CDC20B: variants seen among roughly 807,000 people sequenced by gnomAD.
The protein encoded by CDC20B is cell division cycle 20B.
A neutral mutation model predicts 64.1 loss-of-function variants in CDC20B; 58 were observed. The ratio of observed to expected loss-of-function variants is 0.90; its 90% CI spans 0.73 to 1.13. The LOEUF is 1.13. Among genes scored for constraint, CDC20B ranks in the 50% most tolerant of loss-of-function variants. The pLI is 0.00. For synonymous variants in CDC20B, 243 were observed against 230.6 expected, an observed-to-expected ratio of 1.05 and a Z score of -0.49; for missense variants, 597 against 633.0, an observed-to-expected ratio of 0.94 and a Z score of 0.61.
At position 55,146,655 on chromosome 5, in the gene CDC20B, G is replaced by T. The variant is rs755890847; in HGVS notation, c.328C>A (p.Pro110Thr). The change falls in exon 3 of 12, where the codon CCG becomes ACG. Residue 110 changes from proline to threonine, a missense_variant. Around this residue, in one of 3 missense-constraint regions of CDC20B, gnomAD observed 241 missense variants for 219.2 expected, o/e 1.10. Transcript: ENST00000381375. Reference sequence around the variant, plus strand: ...AGAGTCAAGGTCTCTTTCTCAGGCGGTGTCTTCAGCACTGATCCGGAAGCT... The same window carrying T: ...AGAGTCAAGGTCTCTTTCTCAGGCGTTGTCTTCAGCACTGATCCGGAAGCT... ...PEASGSVLKT[P>T]PEKETLTLGS... 7.4e-6 allele frequency: 12 copies of T among 1,613,968 alleles called. No individual in the cohort carries two copies. Among genetic ancestry groups the T allele is most frequent in the Non-Finnish European group, 4.2e-6 (5 of 1,179,910 alleles).
chr5:55,168,490 T>C (rs1186009039), intron 2 of CDC20B, among the ~76,000 whole-genome samples: 1 of 152,146 alleles, frequency 6.6e-6, no homozygotes, highest in East Asian at 1.9e-4. Flanking sequence ...CTCTTTTAAT[T>C]TGTATCTTCA....
intron 2 of CDC20B, among the ~76,000 whole-genome samples, chr5:55,151,698 C>T (rs1318338858): frequency 6.6e-6 from 1 of 152,188 alleles, no homozygotes; most frequent in Non-Finnish European, 1.5e-5. Context: ...CCAAATGTTT[C>T]CCACTTAGGA....
At position 55,132,241 on chromosome 5, in the gene CDC20B, A is replaced by G. The variant is rs139108097; in HGVS notation, c.697+1171T>C. 4.0e-3 allele frequency among the ~76,000 whole-genome samples: 615 copies of G among 152,280 alleles called. 7 individuals carry two copies. The highest frequency in any genetic ancestry group is 0.014 in the African/African-American group (587 of 41,554). Reference sequence around the variant, plus strand: ...AGGGAGATAGAGAACTGTTCCCTTCAGGGATTTTTCTTTTTCCAGCTCATG... The same window carrying G: ...AGGGAGATAGAGAACTGTTCCCTTCGGGGATTTTTCTTTTTCCAGCTCATG... On this transcript the variant is annotated intron_variant, in intron 6 of 11. Transcript: ENST00000381375.
intron 2 of CDC20B, among the ~76,000 whole-genome samples, chr5:55,153,128 G>A: frequency 6.6e-6 from 1 of 150,770 alleles, no homozygotes; most frequent in East Asian, 2.0e-4. Flanking sequence ...AGTCCCAGCT[G>A]CTCAGGAGAC....
chr5:55,160,854 T>G, intron 2 of CDC20B: 1 of 871,772 alleles, frequency 1.1e-6, no homozygotes, highest in South Asian at 1.9e-5. Flanking sequence ...TCAATAGAAC[T>G]GTGTATGTCC....
rs1342001559 is a variant in CDC20B at position 55,113,169 on chromosome 5, G to T, written c.*1049C>A. On this transcript the variant is annotated 3_prime_UTR_variant, in exon 12 of 12. Transcript: ENST00000381375. ...AGATTAGAAGAAAAGCTCCAATAAG[G>T]CAAGAAATCACAAGACTTAGCCAAA... 6.6e-6 allele frequency: 1 copy of T among 152,120 alleles called. No homozygotes were observed. Among genetic ancestry groups the T allele is most frequent in the African/African-American group, 2.4e-5 (1 of 41,406 alleles). 9.4% of individuals were successfully genotyped at this position (152,120 alleles called of 1,614,324 possible).
At chr5:55,135,130 C>A (rs1743127361) in intron 5 of CDC20B, among the ~76,000 whole-genome samples, 1 of 152,074 alleles carries the variant, frequency 6.6e-6, no homozygotes, top group Non-Finnish European at 1.5e-5. Flanking sequence ...GGAGGCTGTG[C>A]ATGTGTGGTG....
intron 4 of CDC20B, among the ~76,000 whole-genome samples, chr5:55,142,309 T>C (rs1422181988): frequency 6.6e-6 from 1 of 152,090 alleles, no homozygotes; most frequent in Non-Finnish European, 1.5e-5. Flanking sequence ...TCTTCACCAC[T>C]CTCGATGCTA....
chr5:55,141,905 G>T (rs2111869912), intron 4 of CDC20B, among the ~76,000 whole-genome samples: 1 of 152,244 alleles, frequency 6.6e-6, no homozygotes, highest in South Asian at 2.1e-4. Flanking sequence ...TTGTAACAAT[G>T]AAATGTCTTT....
rs146698439 is a variant in CDC20B at position 55,159,513 on chromosome 5, A to C, written c.127-12657T>G. On this transcript the variant is annotated intron_variant, in intron 2 of 11. Transcript: ENST00000381375. Reference sequence around the variant, plus strand: ...CTGCTGACTGGGGGTCATGAGTAGAAATTTGAAAAACACTGGACTATAGTT... The same window carrying C: ...CTGCTGACTGGGGGTCATGAGTAGACATTTGAAAAACACTGGACTATAGTT... Among the ~76,000 whole-genome samples the C allele has an allele frequency of 1.7e-3, 266 of 152,266 alleles. 1 individual carries two copies. Among genetic ancestry groups the C allele is most frequent in the African/African-American group, 6.0e-3 (250 of 41,540 alleles).
intron 2 of CDC20B, chr5:55,166,787 G>A (rs1335282330): frequency 6.6e-6 from 1 of 152,400 alleles, no homozygotes; most frequent in African/African-American, 2.4e-5. Context: ...CCAGCACTTT[G>A]GGAGGCCGAG....
chr5:55,145,248 C>T (rs1743438047), intron 3 of CDC20B, among the ~76,000 whole-genome samples: 1 of 152,100 alleles, frequency 6.6e-6, no homozygotes, highest in Admixed American at 6.5e-5. Flanking sequence ...CTTCCCTCCT[C>T]GGTTATTAAA....
intron 3 of CDC20B, among the ~76,000 whole-genome samples, chr5:55,145,636 C>G (rs548057961): frequency 6.6e-6 from 1 of 152,124 alleles, no homozygotes; most frequent in Non-Finnish European, 1.5e-5. Context: ...CCCACTCCCC[C>G]ATCTCTGCCC....
chr5:55,143,619 G>T lies in CDC20B; in HGVS notation c.380C>A (p.Thr127Asn), dbSNP rs767883088. ...TLGSRKEQLK[T>N]PSKGISETSN... ...TGTTTCAGAAATTCCTTTGCTGGGG[G>T]TCTTCAGTTGTTCTTTGCGGGATCC... is the stretch of plus-strand genomic sequence containing the variant. The change falls in exon 4 of 12, where the codon ACC (threonine) becomes AAC (asparagine). Residue 127 changes from threonine to asparagine, a missense_variant. Coordinates refer to ENST00000381375, the MANE Select transcript of CDC20B (RefSeq NM_001170402.1). The T allele has an allele frequency of 4.4e-6, 7 of 1,602,582 alleles. No homozygotes were observed. The African/African-American group carries it at 5.4e-5, about 12-fold the overall frequency.
intron 9 of CDC20B, among the ~76,000 whole-genome samples, chr5:55,121,243 C>T (rs902350529): frequency 6.6e-6 from 1 of 152,100 alleles, no homozygotes; most frequent in Admixed American, 6.5e-5. Context: ...TTTGCATCCT[C>T]TCTTCTACAC....
intron 6 of CDC20B, among the ~76,000 whole-genome samples, chr5:55,130,805 G>T (rs976887716): frequency 6.6e-6 from 1 of 152,102 alleles, no homozygotes; most frequent in Non-Finnish European, 1.5e-5. Context: ...CAATTGGATG[G>T]TTTTCAGTGT....
chr5:55,153,334 A>C (rs540419955), intron 2 of CDC20B, among the ~76,000 whole-genome samples: 2 of 152,228 alleles, frequency 1.3e-5, no homozygotes, highest in Non-Finnish European at 1.5e-5. Context: ...TAAATGAAAC[A>C]ACAAAAGTGT....
At chr5:55,143,702 T>C (rs948077735) in intron 3 of CDC20B, 59 bp from the exon 4 acceptor site, 2 of 1,498,318 alleles carry the variant, frequency 1.3e-6, no homozygotes, top group African/African-American at 2.8e-5. Context: ...TCACTTTGAT[T>C]GTAGGTCTGG....
chr5:55,118,852 T>C (rs1742687043), intron 11 of CDC20B, among the ~76,000 whole-genome samples: 1 of 152,210 alleles, frequency 6.6e-6, no homozygotes, highest in South Asian at 2.1e-4. Context: ...TGTTTCATTG[T>C]TGCCCACTAA....
Sources: gnomAD v4.1 joint callset for allele counts (sites outside exome capture counted in the v4.1 genomes callset) on GRCh38, gnomAD v4.1.1 for gene constraint, gnomAD v4.1.1 regional missense constraint, MANE v1.5 for transcripts, NCBI Gene and HGNC (gene_info 2026-07-23, HGNC 2026-07-21) for gene names.